Variants in MROH9 observed in about 807,000 individuals in gnomAD.
The protein encoded by MROH9 is maestro heat like repeat family member 9.
MROH9 carries 92 observed loss-of-function variants against 98.2 expected under a neutral mutation model. That is an observed-to-expected ratio of 0.94 (90% CI 0.79 to 1.11). The LOEUF (loss-of-function observed/expected upper bound fraction) is 1.11. Among genes scored for constraint, MROH9 ranks in the 50% most tolerant of loss-of-function variants. The pLI, the probability that MROH9 is intolerant of heterozygous loss-of-function variation, is 0.00. For missense variants in MROH9, 1,057 were observed against 1,014.8 expected (o/e 1.04, Z -0.57); for synonymous variants, 397 against 368.9 (o/e 1.08, Z -0.87).
intron 1 of MROH9, among the ~76,000 whole-genome samples, chr1:170,939,744 C>G (rs1243314448): frequency 6.6e-6 from 1 of 152,164 alleles, no homozygotes; most frequent in Non-Finnish European, 1.5e-5. Context: ...TGATAAGCAG[C>G]TCAGATCACA....
At chr1:171,013,715 C>T (rs1224346578) in intron 15 of MROH9, among the ~76,000 whole-genome samples, 1 of 152,116 alleles carries the variant, frequency 6.6e-6, no homozygotes, top group East Asian at 1.9e-4. Context: ...CATTGTATCT[C>T]TATTTACTAG....
chr1:171,044,972 C>CTTTTTTTT (rs754332732), intron 20 of MROH9, among the ~76,000 whole-genome samples: 573 of 45,706 alleles, frequency 0.013, 105 homozygotes, highest in Middle Eastern at 0.024. Context: ...CTGCTCTGAT[C>CTTTTTTTT]TTTTTTTTTT....
At position 171,022,930 on chromosome 1, in the gene MROH9, G is replaced by T. The variant is rs185432147; in HGVS notation, c.1909-1465G>T. Among the ~76,000 whole-genome samples, 18 of 152,194 alleles carry T rather than the reference G, an allele frequency of 1.2e-4. No homozygotes were observed. In the East Asian group the frequency reaches 3.5e-3, roughly 29 times the overall value. ...CAAAGAGAAGGCAATGTTTGGCCAAGGTCATGTATGTGATAAAGTAGTCAG... is the reference window on the plus strand; with the variant it reads ...CAAAGAGAAGGCAATGTTTGGCCAATGTCATGTATGTGATAAAGTAGTCAG... On this transcript the variant is annotated intron_variant, in intron 17 of 21. Transcript: ENST00000367759.
chr1:170,998,826 C>A, intron 15 of MROH9: 1 of 854,950 alleles, frequency 1.2e-6, no homozygotes, highest in Non-Finnish European at 1.4e-6. Flanking sequence ...CTAATTTTTT[C>A]ATTAAAATAA....
At chr1:170,943,985 T>C (rs1649222389) in intron 1 of MROH9, among the ~76,000 whole-genome samples, 1 of 151,856 alleles carries the variant, frequency 6.6e-6, no homozygotes, top group African/African-American at 2.4e-5. Context: ...TTATACATCT[T>C]GAAAGTATAA....
intron 12 of MROH9, among the ~76,000 whole-genome samples, chr1:170,993,620 G>A (rs558961809): frequency 1.3e-5 from 2 of 152,246 alleles, no homozygotes; most frequent in South Asian, 4.1e-4. Flanking sequence ...GAGTGCTCGA[G>A]TTAGTGTATG....
Position 170,960,021 on chromosome 1 carries a change from G to A in MROH9, c.288+424G>A, listed in dbSNP as rs187348711. The stretch of plus-strand genomic sequence containing the variant: ...AGAAATTCATGGCATATGATATAAA[G>A]TGAGGTCTCAGCATAGCCACCTCTC... On this transcript the variant is annotated intron_variant, in intron 5 of 21. Coordinates refer to ENST00000367759, the MANE Select transcript of MROH9 (RefSeq NM_001163629.2). 1.4e-3 allele frequency among the ~76,000 whole-genome samples: 211 copies of A among 152,318 alleles called. 1 individual carries two copies. In the Middle Eastern group the frequency reaches 0.017, roughly 12 times the overall value.
chr1:170,935,651 ACTTTT>A (rs1339502068), intron 1 of MROH9, 64 bp downstream of exon 1: 4 of 152,102 alleles, frequency 2.6e-5, no homozygotes, highest in Non-Finnish European at 5.9e-5. Context: ...AATCCTGACT[ACTTTT>A]CTTAATTTTT....
chr1:171,004,173 G>C (rs536781245), intron 15 of MROH9, among the ~76,000 whole-genome samples: 49 of 152,264 alleles, frequency 3.2e-4, no homozygotes, highest in African/African-American at 1.2e-3. Flanking sequence ...TCTCCTCCCA[G>C]CTGCAAAAGA....
intron 7 of MROH9, among the ~76,000 whole-genome samples, chr1:170,970,113 C>G (rs1420942811): frequency 2.0e-5 from 3 of 152,132 alleles, no homozygotes; most frequent in Non-Finnish European, 2.9e-5. Flanking sequence ...GCAAACAGAA[C>G]AGAAGGAAAC....
Position 170,958,548 on chromosome 1 carries a change from A to G in MROH9, c.152+8A>G. ...CCTGGCTGTGAACTCCAGGTATGAT[A>G]AGCTATCATGCTCTTTTATTTCACT... is the stretch of plus-strand genomic sequence containing the variant. On this transcript the variant is annotated splice_region_variant and intron_variant, in intron 4 of 21. Transcript: ENST00000367759. 2 of 1,562,416 alleles carry G rather than the reference A, an allele frequency of 1.3e-6. No individual in the cohort carries two copies. Among genetic ancestry groups the G allele is most frequent in the Admixed American group, 1.7e-5 (1 of 58,444 alleles).
At chr1:170,957,901 C>T (rs760673013) in intron 3 of MROH9, among the ~76,000 whole-genome samples, 33 of 152,006 alleles carry the variant, frequency 2.2e-4, no homozygotes, top group Admixed American at 3.9e-4. Context: ...CTCTGCCTCC[C>T]GGGTTCACGC....
In MROH9 at chr1:170,935,567, T is replaced by A. The variant is rs1648841160; in HGVS notation, c.-58T>A. The A allele has an allele frequency of 6.6e-6, 1 of 152,264 alleles. No individual in the cohort carries two copies. 9.4% of individuals were successfully genotyped at this position (152,264 alleles called of 1,614,324 possible). ...TCTTCACTACTTTGTCTCACCGTGA[T>A]TACAGAGAAGTTACAAATATGTAAG... On this transcript the variant is annotated 5_prime_UTR_variant, in exon 1 of 22. Coordinates refer to ENST00000367759, the MANE Select transcript of MROH9 (RefSeq NM_001163629.2).
intron 20 of MROH9, among the ~76,000 whole-genome samples, chr1:171,039,335 A>T (rs754960384): frequency 2.6e-5 from 4 of 152,172 alleles, no homozygotes; most frequent in African/African-American, 7.2e-5. Context: ...TTTAAACAAC[A>T]TAATAATTTA....
rs201425392 is a variant in MROH9, at chr1:170,959,511, T to A, written c.202T>A (p.Ser68Thr). ...TGAATCTCAGTTGAAGATAATAGAG[T>A]CATCCTTTGGAATGCTAGTTGTCAT... ...QFESQLKIIE[S>T]SFGMLVVMPS... Residue 68 changes from serine to threonine, a missense_variant, in exon 5 of 22, where the codon TCA (serine) becomes ACA (threonine). Ser to Thr is a moderately conservative substitution (Grantham distance 58). Transcript: ENST00000367759. 3.7e-5 allele frequency: 60 copies of A among 1,613,328 alleles called. No homozygotes were observed. Among genetic ancestry groups the A allele is most frequent in the Non-Finnish European group, 4.8e-5 (57 of 1,179,628 alleles).
intron 17 of MROH9, among the ~76,000 whole-genome samples, chr1:171,017,266 C>T (rs778691750): frequency 1.3e-4 from 20 of 152,222 alleles, no homozygotes; most frequent in Non-Finnish European, 1.9e-4. Flanking sequence ...GTCATCAGAA[C>T]TGACTAGGCA....
chr1:170,984,694 A>C (rs1651062615), intron 9 of MROH9, among the ~76,000 whole-genome samples: 1 of 152,100 alleles, frequency 6.6e-6, no homozygotes, highest in South Asian at 2.1e-4. Flanking sequence ...ATCTGAGTTT[A>C]ATGTCCATCA....
chr1:170,990,575 G>T (rs1651319946), intron 11 of MROH9, among the ~76,000 whole-genome samples: 1 of 152,162 alleles, frequency 6.6e-6, no homozygotes. Flanking sequence ...CATTAGAAGA[G>T]CTTAGAAAAA....
At chr1:170,937,251 G>A (rs1648922069) in intron 1 of MROH9, among the ~76,000 whole-genome samples, 1 of 152,148 alleles carries the variant, frequency 6.6e-6, no homozygotes, top group Admixed American at 6.5e-5. Flanking sequence ...ACCCTTCTCA[G>A]AGGAGGAGAT....
Sources: allele counts gnomAD v4.1 joint callset (sites outside exome capture counted in the v4.1 genomes callset), GRCh38; gene constraint gnomAD v4.1.1; transcripts MANE v1.5; gene names NCBI Gene and HGNC (gene_info 2026-07-23, HGNC 2026-07-21).